Variants in VSTM4 observed in about 807,000 individuals in gnomAD.
VSTM4 encodes the protein V-set and transmembrane domain containing 4, also known as V-set and transmembrane domain-containing protein 4.
In VSTM4, 20 loss-of-function variants were observed where a neutral mutation model predicts 36.4. That is an observed-to-expected ratio of 0.55 (90% CI 0.39 to 0.80). VSTM4 has a LOEUF of 0.80. Ranked by LOEUF, VSTM4 falls within the 30% of genes least tolerant of loss-of-function variation. The pLI is 0.00. For synonymous variants in VSTM4, 182 were observed against 173.9 expected (o/e 1.05, Z -0.37); for missense variants, 392 against 404.5 (o/e 0.97, Z 0.26).
chr10:49,057,034 A>G (rs1198293206), intron 5 of VSTM4, among the ~76,000 whole-genome samples: 2 of 152,012 alleles, frequency 1.3e-5, no homozygotes, highest in East Asian at 3.9e-4. Flanking sequence ...AGGAGGGGCC[A>G]GGCTCTTTTA....
chr10:49,078,336 A>G (rs935417857), intron 3 of VSTM4, among the ~76,000 whole-genome samples: 1 of 152,224 alleles, frequency 6.6e-6, no homozygotes, highest in African/African-American at 2.4e-5. Flanking sequence ...TGACAGCTTA[A>G]GTTCACATGG....
intron 4 of VSTM4, among the ~76,000 whole-genome samples, chr10:49,071,779 G>A (rs1217069280): frequency 6.6e-6 from 1 of 152,196 alleles, no homozygotes; most frequent in African/African-American, 2.4e-5. Context: ...GTCCACATGT[G>A]TGTAAGCAGC....
chr10:49,084,796 C>T (rs1195634199), intron 3 of VSTM4, among the ~76,000 whole-genome samples: 1 of 152,212 alleles, frequency 6.6e-6, no homozygotes, highest in Non-Finnish European at 1.5e-5. Flanking sequence ...GATCATAATC[C>T]TCACCCACTT....
chr10:49,080,727 A>G (rs1844262981), intron 3 of VSTM4, among the ~76,000 whole-genome samples: 10 of 152,214 alleles, frequency 6.6e-5, no homozygotes, highest in Admixed American at 5.9e-4. Context: ...ATGCCTTAAT[A>G]GCATCAACTG....
At chr10:49,114,657 G>A (rs35666409) in intron 1 of VSTM4, among the ~76,000 whole-genome samples, 68,938 of 151,514 alleles carry the variant, frequency 0.45, 16,426 homozygotes, top group African/African-American at 0.61. Context: ...GTAATTAAAT[G>A]AGATAGGCCC....
intron 5 of VSTM4, among the ~76,000 whole-genome samples, chr10:49,049,811 T>C (rs1449726957): frequency 6.6e-6 from 1 of 152,132 alleles, no homozygotes; most frequent in Non-Finnish European, 1.5e-5. Context: ...CAAAGCACTA[T>C]TGGTAGGGGT....
At chr10:49,094,967 G>A (rs1590126474) in intron 2 of VSTM4, among the ~76,000 whole-genome samples, 1 of 152,164 alleles carries the variant, frequency 6.6e-6, no homozygotes, top group Admixed American at 6.5e-5. Context: ...CCTGCAGGCA[G>A]CAGCCGATGA....
intron 7 of VSTM4, among the ~76,000 whole-genome samples, chr10:49,042,434 G>A (rs1843535775): frequency 6.6e-6 from 1 of 152,228 alleles, no homozygotes. Flanking sequence ...GTGAAGCACA[G>A]AGCAGCAAGG....
At chr10:49,092,615 G>A (rs982098222) in intron 2 of VSTM4, among the ~76,000 whole-genome samples, 2 of 152,180 alleles carry the variant, frequency 1.3e-5, no homozygotes, top group African/African-American at 4.8e-5. Flanking sequence ...GCTGGGTAGA[G>A]GAGGGCGTGG....
intron 2 of VSTM4, among the ~76,000 whole-genome samples, chr10:49,096,637 G>GTA (rs1405352857): frequency 1.4e-5 from 2 of 146,208 alleles, no homozygotes; most frequent in Non-Finnish European, 1.5e-5. Context: ...GTGTGTGTGT[G>GTA]TGTGTGTGTG....
chr10:49,107,378 G>C (rs1844801747), intron 2 of VSTM4, among the ~76,000 whole-genome samples: 1 of 152,210 alleles, frequency 6.6e-6, no homozygotes, highest in South Asian at 2.1e-4. Context: ...GGTCCTTTCT[G>C]TTCTCACTTC....
chr10:49,036,137 C>T (rs865823807), intron 7 of VSTM4, among the ~76,000 whole-genome samples: 2 of 152,158 alleles, frequency 1.3e-5, no homozygotes, highest in Admixed American at 6.5e-5. Flanking sequence ...TACCGAACGC[C>T]GAGATACCTG....
chr10:49,096,215 C>T (rs1844567530), intron 2 of VSTM4, among the ~76,000 whole-genome samples: 1 of 152,172 alleles, frequency 6.6e-6, no homozygotes, highest in Admixed American at 6.5e-5. Flanking sequence ...CTTGCAGTAT[C>T]AGTTCCCTGT....
At chr10:49,101,558 T>C (rs978959980) in intron 2 of VSTM4, among the ~76,000 whole-genome samples, 1 of 152,214 alleles carries the variant, frequency 6.6e-6, no homozygotes, top group Non-Finnish European at 1.5e-5. Context: ...AACAATGAAA[T>C]ATTTTTCCAA....
intron 4 of VSTM4, among the ~76,000 whole-genome samples, chr10:49,068,230 C>T (rs1274622714): frequency 6.6e-6 from 1 of 151,960 alleles, no homozygotes; most frequent in South Asian, 2.1e-4. Flanking sequence ...GAAGAAATGG[C>T]CAGACCACTG....
intron 7 of VSTM4, among the ~76,000 whole-genome samples, chr10:49,025,346 C>T (rs960718343): frequency 6.6e-6 from 1 of 152,062 alleles, no homozygotes; most frequent in Admixed American, 6.5e-5. Flanking sequence ...GGAGAATATA[C>T]GAGATTAAGG....
At chr10:49,105,532 G>A (rs1056626228) in intron 2 of VSTM4, among the ~76,000 whole-genome samples, 6 of 152,080 alleles carry the variant, frequency 3.9e-5, no homozygotes, top group African/African-American at 1.4e-4. Flanking sequence ...CAGGAAAGTG[G>A]GGGAGCAAGA....
intron 7 of VSTM4, among the ~76,000 whole-genome samples, chr10:49,041,120 C>G (rs1197143735): frequency 6.6e-6 from 1 of 152,164 alleles, no homozygotes; most frequent in African/African-American, 2.4e-5. Context: ...TAAATATCGA[C>G]CAAACTGAGA....
chr10:49,060,231 G>A lies in VSTM4; in HGVS notation c.668+4472C>T, dbSNP rs143409755. The stretch of plus-strand genomic sequence containing the variant: ...TTCTCTTGGATAGATTCCTATGAGC[G>A]GAATTGCTGGGTCATAGGGTAACTT... On this transcript the variant is annotated intron_variant, in intron 5 of 7. Transcript: ENST00000332853. 9.2e-3 allele frequency among the ~76,000 whole-genome samples: 1,400 copies of A among 152,284 alleles called. 56 individuals are homozygous for A. In the South Asian group the frequency reaches 0.12, roughly 13 times the overall value.
Sources: gnomAD v4.1 joint callset for allele counts (sites outside exome capture counted in the v4.1 genomes callset) on GRCh38, gnomAD v4.1.1 for gene constraint, MANE v1.5 for transcripts, NCBI Gene and HGNC (gene_info 2026-07-23, HGNC 2026-07-21) for gene names.